EFNA5: variants seen among roughly 807,000 people sequenced by gnomAD.
The protein encoded by EFNA5 is ephrin A5, also known as ephrin-A5.
EFNA5 carries 5 observed loss-of-function variants against 22.9 expected under a neutral mutation model. That is an observed-to-expected ratio of 0.22 (90% CI 0.11 to 0.46). The LOEUF (loss-of-function observed/expected upper bound fraction) is 0.46. EFNA5 is among the 20% of genes least tolerant of loss of function. EFNA5 has a pLI of 0.99. For missense variants in EFNA5, 237 were observed against 293.3 expected (o/e 0.81, Z 1.40); for synonymous variants, 113 against 112.2 (o/e 1.01, Z -0.04).
chr5:107,558,647 G>A (rs908558863), intron 1 of EFNA5, among the ~76,000 whole-genome samples: 14 of 152,158 alleles, frequency 9.2e-5, no homozygotes, highest in Admixed American at 7.9e-4. Context: ...TCCATATTAA[G>A]GCCAAAGCTT....
chr5:107,553,167 T>G (rs1333484774), intron 1 of EFNA5, among the ~76,000 whole-genome samples: 2 of 152,128 alleles, frequency 1.3e-5, no homozygotes, highest in African/African-American at 2.4e-5. Context: ...CTAAACACCC[T>G]GGAACTTAAA....
At chr5:107,514,258 T>C (rs1035580341) in intron 1 of EFNA5, among the ~76,000 whole-genome samples, 5 of 152,214 alleles carry the variant, frequency 3.3e-5, no homozygotes, top group African/African-American at 1.2e-4. Flanking sequence ...AGGTTTTCTT[T>C]TTTGTCAGAA....
At chr5:107,638,619 C>A (rs182822255) in intron 1 of EFNA5, among the ~76,000 whole-genome samples, 1 of 152,134 alleles carries the variant, frequency 6.6e-6, no homozygotes, top group East Asian at 1.9e-4. Flanking sequence ...TTATAAGTAA[C>A]CTGGGGATGA....
chr5:107,646,553 C>T (rs574902977), intron 1 of EFNA5, among the ~76,000 whole-genome samples: 1 of 152,182 alleles, frequency 6.6e-6, no homozygotes, highest in East Asian at 1.9e-4. Context: ...AAGGGTAATA[C>T]TGATTAAACA....
At chr5:107,629,178 C>T (rs1750194176) in intron 1 of EFNA5, among the ~76,000 whole-genome samples, 1 of 151,974 alleles carries the variant, frequency 6.6e-6, no homozygotes, top group African/African-American at 2.4e-5. Flanking sequence ...TCAGTCTACA[C>T]ACACAAAAAA....
intron 1 of EFNA5, among the ~76,000 whole-genome samples, chr5:107,517,429 G>T (rs1024463883): frequency 6.6e-6 from 1 of 152,144 alleles, no homozygotes; most frequent in Non-Finnish European, 1.5e-5. Flanking sequence ...CAAATCACTC[G>T]GTGCTTCTTG....
chr5:107,601,378 T>C (rs1749590404), intron 1 of EFNA5, among the ~76,000 whole-genome samples: 1 of 151,738 alleles, frequency 6.6e-6, no homozygotes, highest in East Asian at 1.9e-4. Context: ...CACAGAGTAA[T>C]TCACTGCCAG....
At chr5:107,515,267 C>G (rs1277379805) in intron 1 of EFNA5, among the ~76,000 whole-genome samples, 1 of 151,358 alleles carries the variant, frequency 6.6e-6, no homozygotes, top group East Asian at 1.9e-4. Context: ...CAACTCCTGA[C>G]GTCAAGTGAT....
At chr5:107,411,991 AATT>A (rs1748380124) in intron 2 of EFNA5, among the ~76,000 whole-genome samples, 1 of 152,240 alleles carries the variant, frequency 6.6e-6, no homozygotes, top group Non-Finnish European at 1.5e-5. Context: ...AAATGTTCAT[AATT>A]ATTACAGGGA....
chr5:107,394,006 T>A (rs1363420528), intron 2 of EFNA5, among the ~76,000 whole-genome samples: 1 of 152,234 alleles, frequency 6.6e-6, no homozygotes, highest in Admixed American at 6.5e-5. Context: ...AAGTTAGGCC[T>A]CTTCTTAGGG....
intron 1 of EFNA5, among the ~76,000 whole-genome samples, chr5:107,432,021 T>C (rs1748976420): frequency 6.6e-6 from 1 of 152,234 alleles, no homozygotes; most frequent in South Asian, 2.1e-4. Context: ...TCACCAGCTG[T>C]AGTAACGACC....
intron 2 of EFNA5, among the ~76,000 whole-genome samples, chr5:107,404,978 T>C (rs1748171000): frequency 6.6e-6 from 1 of 152,204 alleles, no homozygotes; most frequent in Admixed American, 6.5e-5. Flanking sequence ...ACTGTAACTG[T>C]CGTACTCCTT....
At chr5:107,522,934 A>T (rs1289367079) in intron 1 of EFNA5, among the ~76,000 whole-genome samples, 1 of 152,216 alleles carries the variant, frequency 6.6e-6, no homozygotes, top group African/African-American at 2.4e-5. Context: ...CCTTTTTAAC[A>T]AATAGATGGG....
intron 1 of EFNA5, among the ~76,000 whole-genome samples, chr5:107,428,593 A>G (rs1368800921): frequency 6.6e-6 from 1 of 152,248 alleles, no homozygotes; most frequent in Non-Finnish European, 1.5e-5. Context: ...ATCATGGTGG[A>G]AAAGCGTACA....
At chr5:107,665,823 TA>T (rs1023421280) in intron 1 of EFNA5, among the ~76,000 whole-genome samples, 2 of 152,050 alleles carry the variant, frequency 1.3e-5, no homozygotes, top group African/African-American at 2.4e-5. Context: ...ATTTCTAGAT[TA>T]AAAAGGGGGG....
intron 4 of EFNA5, among the ~76,000 whole-genome samples, chr5:107,386,872 T>C (rs545026453): frequency 6.6e-6 from 1 of 152,216 alleles, no homozygotes; most frequent in Non-Finnish European, 1.5e-5. Context: ...AACATATACA[T>C]AGAAATGTTT....
intron 1 of EFNA5, among the ~76,000 whole-genome samples, chr5:107,514,646 C>G (rs1747438762): frequency 6.6e-6 from 1 of 152,110 alleles, no homozygotes; most frequent in African/African-American, 2.4e-5. Flanking sequence ...TGTGCTAACC[C>G]TTTTTATTGT....
chr5:107,465,463 G>A (rs967098078), intron 1 of EFNA5, among the ~76,000 whole-genome samples: 4 of 152,070 alleles, frequency 2.6e-5, no homozygotes, highest in African/African-American at 4.8e-5. Context: ...AGGTTTCACC[G>A]CTTTACTCCA....
intron 1 of EFNA5, among the ~76,000 whole-genome samples, chr5:107,667,364 A>G (rs967033624): frequency 1.3e-5 from 2 of 152,078 alleles, no homozygotes; most frequent in African/African-American, 4.8e-5. Context: ...GTAACAGTAA[A>G]ACTATTCTGA....
Sources: allele counts gnomAD v4.1 joint callset (sites outside exome capture counted in the v4.1 genomes callset), GRCh38; gene constraint gnomAD v4.1.1; transcripts MANE v1.5; gene names NCBI Gene and HGNC (gene_info 2026-07-23, HGNC 2026-07-21).